Variants in AGBL4 observed in about 807,000 individuals in gnomAD.
AGBL4 encodes cytosolic carboxypeptidase 6.
In AGBL4, 58 loss-of-function variants were observed where a neutral mutation model predicts 66.4. The ratio of observed to expected loss-of-function variants is 0.87; its 90% CI spans 0.71 to 1.09. AGBL4 has a LOEUF of 1.09. Ranked by LOEUF, AGBL4 falls within the 50% of genes least tolerant of loss-of-function variation. The pLI is 0.00. For synonymous variants in AGBL4, 234 were observed against 222.9 expected (o/e 1.05, Z -0.44); for missense variants, 579 against 631.0 (o/e 0.92, Z 0.88).
At chr1:49,273,622 T>C (rs1458500964) in intron 3 of AGBL4, among the ~76,000 whole-genome samples, 3 of 151,516 alleles carry the variant, frequency 2.0e-5, no homozygotes, top group African/African-American at 7.2e-5. Flanking sequence ...TAATTTTCTA[T>C]TTTAAGTAAC....
chr1:49,251,692 C>T (rs2148338897), intron 3 of AGBL4, among the ~76,000 whole-genome samples: 1 of 152,314 alleles, frequency 6.6e-6, no homozygotes, highest in Admixed American at 6.5e-5. Context: ...CACTCTGCTG[C>T]AGATGCTGTA....
intron 1 of AGBL4, among the ~76,000 whole-genome samples, chr1:49,863,634 C>A (rs1057460401): frequency 2.6e-5 from 4 of 152,088 alleles, no homozygotes; most frequent in Admixed American, 2.6e-4. Flanking sequence ...TTTGAATAGG[C>A]ATTTTGGAAA....
At chr1:49,988,190 GA>G (rs1464105387) in intron 1 of AGBL4, among the ~76,000 whole-genome samples, 2 of 151,976 alleles carry the variant, frequency 1.3e-5, no homozygotes, top group Non-Finnish European at 2.9e-5. Flanking sequence ...AAACAGTTTA[GA>G]ATTATAAAAC....
intron 2 of AGBL4, among the ~76,000 whole-genome samples, chr1:49,780,091 AAC>A (rs1644299590): frequency 6.6e-6 from 1 of 152,146 alleles, no homozygotes; most frequent in African/African-American, 2.4e-5. Flanking sequence ...GTGCCAGAAG[AAC>A]TTACTTACAA....
chr1:49,848,685 G>T (rs1177980729), intron 2 of AGBL4, among the ~76,000 whole-genome samples: 1 of 152,160 alleles, frequency 6.6e-6, no homozygotes, highest in Non-Finnish European at 1.5e-5. Context: ...AATGAGAGAT[G>T]AGAAATTATT....
intron 5 of AGBL4, among the ~76,000 whole-genome samples, chr1:48,933,982 G>A (rs1655248683): frequency 6.6e-6 from 1 of 152,160 alleles, no homozygotes; most frequent in Admixed American, 6.5e-5. Context: ...CTCTCCCCAG[G>A]TTCCCTCGTT....
Position 49,621,510 on chromosome 1 carries a change from A to G in AGBL4, c.282+75803T>C, listed in dbSNP as rs148958533. 3.5e-3 allele frequency among the ~76,000 whole-genome samples: 530 copies of G among 152,344 alleles called. 1 individual carries two copies. The highest frequency in any genetic ancestry group is 0.012 in the African/African-American group (500 of 41,574). On this transcript the variant is annotated intron_variant, in intron 3 of 13. Coordinates refer to ENST00000371839, the MANE Select transcript of AGBL4 (RefSeq NM_032785.4). ...CCTAATGCTTGCTTGGACCACTATA[A>G]GCATGCCAGGCCAAATATTTAGGCT...
intron 4 of AGBL4, among the ~76,000 whole-genome samples, chr1:49,081,960 C>A (rs368409341): frequency 5.3e-5 from 8 of 152,120 alleles, no homozygotes; most frequent in African/African-American, 1.9e-4. Flanking sequence ...GATTTAGGAG[C>A]AACAGTAGAT....
chr1:48,711,297 C>A (rs927048647), intron 6 of AGBL4, among the ~76,000 whole-genome samples: 16 of 152,184 alleles, frequency 1.1e-4, no homozygotes, highest in Admixed American at 1.0e-3. Context: ...GTGAGACTAG[C>A]TTGGGCCTTG....
At chr1:49,800,992 A>G (rs924671440) in intron 2 of AGBL4, among the ~76,000 whole-genome samples, 3 of 150,522 alleles carry the variant, frequency 2.0e-5, no homozygotes, top group Non-Finnish European at 4.4e-5. Flanking sequence ...ACAGTGTAAA[A>G]GTGTTCCTAT....
intron 2 of AGBL4, among the ~76,000 whole-genome samples, chr1:49,752,032 G>A (rs967118556): frequency 1.3e-5 from 2 of 151,432 alleles, no homozygotes; most frequent in Admixed American, 1.3e-4. Flanking sequence ...CCAGCTCCTG[G>A]ATTCACTGAT....
intron 6 of AGBL4, among the ~76,000 whole-genome samples, chr1:48,708,149 C>T (rs1401299930): frequency 2.0e-5 from 3 of 152,156 alleles, no homozygotes; most frequent in Non-Finnish European, 4.4e-5. Context: ...CTTTCACAAC[C>T]GAATCCAGAG....
At chr1:49,847,140 A>C (rs1012897558) in intron 2 of AGBL4, among the ~76,000 whole-genome samples, 2 of 152,218 alleles carry the variant, frequency 1.3e-5, no homozygotes, top group African/African-American at 4.8e-5. Context: ...ATCTCCAGCC[A>C]ACTACACATA....
chr1:49,331,838 T>C (rs1570453097), intron 3 of AGBL4, among the ~76,000 whole-genome samples: 1 of 145,630 alleles, frequency 6.9e-6, no homozygotes, highest in Non-Finnish European at 1.5e-5. Flanking sequence ...TAGGACCCAA[T>C]TCATTCCTTC....
chr1:49,317,137 A>T (rs1645053433), intron 3 of AGBL4, among the ~76,000 whole-genome samples: 1 of 151,892 alleles, frequency 6.6e-6, no homozygotes, highest in South Asian at 2.1e-4. Flanking sequence ...AACTTTGTTT[A>T]TGTATTTTTA....
intron 3 of AGBL4, among the ~76,000 whole-genome samples, chr1:49,489,001 G>A (rs1343571075): frequency 2.0e-5 from 3 of 151,694 alleles, no homozygotes; most frequent in Non-Finnish European, 4.4e-5. Context: ...ACACAGACTT[G>A]CAGATATATT....
At chr1:49,550,398 G>T (rs1476292909) in intron 3 of AGBL4, among the ~76,000 whole-genome samples, 2 of 152,140 alleles carry the variant, frequency 1.3e-5, no homozygotes, top group Non-Finnish European at 1.5e-5. Context: ...TATAAGTCCT[G>T]TGTGATTTAT....
At chr1:49,563,420 G>A (rs1222174714) in intron 3 of AGBL4, among the ~76,000 whole-genome samples, 1 of 151,994 alleles carries the variant, frequency 6.6e-6, no homozygotes, top group Admixed American at 6.6e-5. Flanking sequence ...GTTTTTGTCT[G>A]TTCAGTATGA....
chr1:49,933,647 T>A (rs1433241817), intron 1 of AGBL4, among the ~76,000 whole-genome samples: 2 of 152,062 alleles, frequency 1.3e-5, no homozygotes, highest in Non-Finnish European at 2.9e-5. Context: ...TAACAAAGTG[T>A]GAGGGGGGTG....
Sources: allele counts gnomAD v4.1 joint callset (sites outside exome capture counted in the v4.1 genomes callset), GRCh38; gene constraint gnomAD v4.1.1; transcripts MANE v1.5; gene names NCBI Gene and HGNC (gene_info 2026-07-23, HGNC 2026-07-21).